Variants in DCUN1D5 observed in about 807,000 individuals in gnomAD.
DCUN1D5 encodes DCN1-like protein 5.
Under a neutral mutation model 38.3 loss-of-function variants are expected in DCUN1D5, and 10 were observed. The ratio of observed to expected loss-of-function variants is 0.26; its 90% CI spans 0.16 to 0.44. The LOEUF (loss-of-function observed/expected upper bound fraction) is 0.44, where lower values mean the gene tolerates loss of function less well. DCUN1D5 is among the 20% of genes least tolerant of loss of function. DCUN1D5 has a pLI of 1.00. For synonymous variants in DCUN1D5, 93 were observed against 90.9 expected (o/e 1.02, Z -0.13); for missense variants, 148 against 275.3 (o/e 0.54, Z 3.27).
intron 4 of DCUN1D5, among the ~76,000 whole-genome samples, chr11:103,069,363 G>C (rs1862215109): frequency 6.6e-6 from 1 of 152,106 alleles, no homozygotes; most frequent in Non-Finnish European, 1.5e-5. Flanking sequence ...AAAACTCTTA[G>C]AAAACAAACA....
intron 2 of DCUN1D5, among the ~76,000 whole-genome samples, chr11:103,088,751 A>C (rs760441707): frequency 4.6e-5 from 7 of 152,226 alleles, no homozygotes; most frequent in Non-Finnish European, 7.4e-5. Flanking sequence ...TTAAAAAGTA[A>C]ATGTGTTGTA....
rs1861909503 is a variant in DCUN1D5, at chr11:103,057,774, C to T, written c.*4585G>A. ...GCTAATATTCTACACAAAACACACA[C>T]AGCTCACAGAGTTTTGGGGAAATCT... On this transcript the variant is annotated 3_prime_UTR_variant, in exon 8 of 8. Transcript: ENST00000260247. The surrounding 1 kb of genome is among the most constrained non-coding windows in gnomAD (Gnocchi z 4.8). Among the ~76,000 whole-genome samples, 1 of 151,880 alleles carries T rather than the reference C, an allele frequency of 6.6e-6. No homozygotes were observed. The highest frequency in any genetic ancestry group is 2.1e-4 in the South Asian group (1 of 4,824).
Position 103,066,282 on chromosome 11 carries a change from TA to T in DCUN1D5, c.541del (p.Tyr181ThrfsTer12). ...AAACATACGTACCTCCAGGTACTGG[TA>T]AAATACTGAAAACAGTGGCCATGTC... Reference protein sequence around the residue: ...GRTWPLFSVFYQYLEQSKYRV... With the variant: ...GRTWPLFSVFXQYLEQSKYRV... On this transcript the variant is annotated frameshift_variant, in exon 6 of 8. Coordinates refer to ENST00000260247, the MANE Select transcript of DCUN1D5 (RefSeq NM_032299.4). LOFTEE classifies it high-confidence loss of function. This position sits in a 1 kb window ranked among gnomAD's most constrained non-coding sequence, Gnocchi z 4.7. 6.3e-7 allele frequency: 1 copy of T among 1,598,330 alleles called. No homozygotes were observed. The highest frequency in any genetic ancestry group is 1.1e-5 in the South Asian group (1 of 87,064).
chr11:103,057,552 A>G lies in DCUN1D5; in HGVS notation c.*4807T>C, dbSNP rs75039344. On this transcript the variant is annotated 3_prime_UTR_variant, in exon 8 of 8. Coordinates refer to ENST00000260247, the MANE Select transcript of DCUN1D5 (RefSeq NM_032299.4). The surrounding 1 kb of genome is among the most constrained non-coding windows in gnomAD (Gnocchi z 4.8). ...AAATCCCATCTTTACTAAAACAAAC[A>G]AAAAAAAAAATACAAAACTTAGCTG... 8.2e-6 allele frequency among the ~76,000 whole-genome samples: 1 copy of G among 122,346 alleles called. No homozygotes were observed. Among genetic ancestry groups the G allele is most frequent in the South Asian group, 3.0e-4 (1 of 3,356 alleles). 80.3% of individuals were successfully genotyped at this position (122,346 alleles called of 152,430 possible).
chr11:103,051,443 A>G lies in DCUN1D5; in HGVS notation c.*10916T>C, dbSNP rs1275755386. The G allele has an allele frequency of 6.8e-6, 1 of 147,014 alleles. No homozygotes were observed. The highest frequency in any genetic ancestry group is 1.5e-5 in the Non-Finnish European group (1 of 67,622). The allele number at this position is 147,014 out of a possible 1,614,324, so 9.1% of individuals were successfully genotyped here. A position where few individuals can be genotyped will look rare whatever the true frequency, so the allele number is the denominator to read the frequency against. ...ACCTGTGACATAACTTTGGAGTCTC[A>G]TGGGAGTTCCAAAGTTTTTCTCCTG... On this transcript the variant is annotated 3_prime_UTR_variant, in exon 8 of 8. Coordinates refer to ENST00000260247, the MANE Select transcript of DCUN1D5 (RefSeq NM_032299.4).
chr11:103,082,873 A>T (rs1243110697), intron 3 of DCUN1D5, 34 bp from the exon 4 acceptor site: 18 of 1,512,578 alleles, frequency 1.2e-5, no homozygotes, highest in Non-Finnish European at 1.5e-5. Flanking sequence ...ATAGGGGAAA[A>T]GTCAGCATAG....
Position 103,085,898 on chromosome 11 carries a change from CTA to C in DCUN1D5, c.179-2574_179-2573del, listed in dbSNP as rs562555873. Among the ~76,000 whole-genome samples, 84 of 152,294 alleles carry C rather than the reference CTA, an allele frequency of 5.5e-4. 1 individual carries two copies. In the South Asian group the frequency reaches 0.017, roughly 30 times the overall value. On this transcript the variant is annotated intron_variant, in intron 2 of 7. Transcript: ENST00000260247. ...GCAATTCCAACCTTATTTTTTGACT[CTA>C]TGAGACTTTAAAACTGCCCTTTCAC...
At position 103,061,966 on chromosome 11, in the gene DCUN1D5, C is replaced by CTGT. The variant is rs1862022449; in HGVS notation, c.*390_*392dup. The CTGT allele has an allele frequency of 1.1e-5, 2 of 175,978 alleles. No homozygotes were observed. The highest frequency in any genetic ancestry group is 4.8e-5 in the African/African-American group (2 of 41,866). The allele number at this position is 175,978 out of a possible 1,614,324, so 10.9% of individuals were successfully genotyped here. On this transcript the variant is annotated 3_prime_UTR_variant, in exon 8 of 8. Transcript: ENST00000260247. Reference sequence around the variant, plus strand: ...CAGACTATGTTGCCAAATATTAAGACTGTTTAAAATCTTGAAAATTCTGTA... The same window carrying CTGT: ...CAGACTATGTTGCCAAATATTAAGACTGTTGTTTAAAATCTTGAAAATTCTGTA...
chr11:103,082,551 T>C (rs1862592620), intron 4 of DCUN1D5, among the ~76,000 whole-genome samples, 197 bp downstream of exon 4: 1 of 152,058 alleles, frequency 6.6e-6, no homozygotes. Context: ...GGTTCTTTCT[T>C]AGAGAATATA....
At chr11:103,074,508 C>G (rs140377118) in intron 4 of DCUN1D5, among the ~76,000 whole-genome samples, 11 of 152,276 alleles carry the variant, frequency 7.2e-5, no homozygotes, top group Admixed American at 4.6e-4. Flanking sequence ...CCGGTTCAAG[C>G]GATTCTCCTG....
At position 103,061,303 on chromosome 11, in the gene DCUN1D5, A is replaced by C. The variant is rs192516117; in HGVS notation, c.*1056T>G. On this transcript the variant is annotated 3_prime_UTR_variant, in exon 8 of 8. Coordinates refer to ENST00000260247, the MANE Select transcript of DCUN1D5 (RefSeq NM_032299.4). Reference sequence around the variant, plus strand: ...GGCTATGAATATGAACAAAGTTTTCATATCACTGGGATACTGGATGGTTTG... The same window carrying C: ...GGCTATGAATATGAACAAAGTTTTCCTATCACTGGGATACTGGATGGTTTG... Among the ~76,000 whole-genome samples, 2 of 152,178 alleles carry C rather than the reference A, an allele frequency of 1.3e-5. No individual in the cohort carries two copies. The highest frequency in any genetic ancestry group is 4.8e-5 in the African/African-American group (2 of 41,458).
rs190965636 is a variant in DCUN1D5 at position 103,055,140 on chromosome 11, G to A, written c.*7219C>T. On this transcript the variant is annotated 3_prime_UTR_variant, in exon 8 of 8. Transcript: ENST00000260247. ...GCAGCTAATTTTATTTTTCTCTTGGGAACAGAGTAAACTGTTGTACACCTG... is the reference window on the plus strand; with the variant it reads ...GCAGCTAATTTTATTTTTCTCTTGGAAACAGAGTAAACTGTTGTACACCTG... 6.6e-6 allele frequency: 1 copy of A among 152,004 alleles called. No individual in the cohort carries two copies. Among genetic ancestry groups the A allele is most frequent in the South Asian group, 2.1e-4 (1 of 4,818 alleles). 9.4% of individuals were successfully genotyped at this position (152,004 alleles called of 1,614,324 possible). A position where few individuals can be genotyped will look rare whatever the true frequency, so the allele number is the denominator to read the frequency against.
In DCUN1D5 at chr11:103,053,571, A is replaced by G. The variant is rs1052361025; in HGVS notation, c.*8788T>C. 6.6e-6 allele frequency: 1 copy of G among 152,080 alleles called. No homozygotes were observed. Among genetic ancestry groups the G allele is most frequent in the Non-Finnish European group, 1.5e-5 (1 of 67,958 alleles). The allele number at this position is 152,080 out of a possible 1,614,324, so 9.4% of individuals were successfully genotyped here. On this transcript the variant is annotated 3_prime_UTR_variant, in exon 8 of 8. Coordinates refer to ENST00000260247, the MANE Select transcript of DCUN1D5 (RefSeq NM_032299.4). The surrounding 1 kb of genome is among the most constrained non-coding windows in gnomAD (Gnocchi z 4.8). ...ATCCCAATTATCTTCATTTAATTATATGAATATATCATACTATCACATGTA... is the reference window on the plus strand; with the variant it reads ...ATCCCAATTATCTTCATTTAATTATGTGAATATATCATACTATCACATGTA...
chr11:103,072,353 GATCTA>G (rs1565288007), intron 4 of DCUN1D5, among the ~76,000 whole-genome samples: 11 of 151,416 alleles, frequency 7.3e-5, no homozygotes, highest in African/African-American at 2.4e-4. Flanking sequence ...TCTAGATCTA[GATCTA>G]GATCTAGAAC....
Position 103,060,366 on chromosome 11 carries a change from C to G in DCUN1D5, c.*1993G>C, listed in dbSNP as rs182613720. Among the ~76,000 whole-genome samples, 393 of 152,252 alleles carry G rather than the reference C, an allele frequency of 2.6e-3. 3 individuals are homozygous for G. The highest frequency in any genetic ancestry group is 4.6e-3 in the Non-Finnish European group (316 of 68,014). On this transcript the variant is annotated 3_prime_UTR_variant, in exon 8 of 8. Transcript: ENST00000260247. ...AAAGTAAATACTGTTGACCCTTGAACAGCATGAGTTTGAACTGTGTGGGTC... is the reference window on the plus strand; with the variant it reads ...AAAGTAAATACTGTTGACCCTTGAAGAGCATGAGTTTGAACTGTGTGGGTC...
rs182800235 is a variant in DCUN1D5, at chr11:103,065,090, T to C, written c.556-713A>G. On this transcript the variant is annotated intron_variant, in intron 6 of 7. Transcript: ENST00000260247. The surrounding 1 kb of genome is among the most constrained non-coding windows in gnomAD (Gnocchi z 4.6). ...GATACCATCCATCAAAAATAATTTATAGGACTTACAGATTGAATCATGCGT... is the reference window on the plus strand; with the variant it reads ...GATACCATCCATCAAAAATAATTTACAGGACTTACAGATTGAATCATGCGT... Among the ~76,000 whole-genome samples the C allele has an allele frequency of 1.7e-3, 256 of 152,142 alleles. 1 individual carries two copies. The highest frequency in any genetic ancestry group is 4.1e-3 in the Admixed American group (62 of 15,278).
At position 103,065,364 on chromosome 11, in the gene DCUN1D5, C is replaced by T. The variant is rs961380950; in HGVS notation, c.555+905G>A. 2.6e-5 allele frequency among the ~76,000 whole-genome samples: 4 copies of T among 152,092 alleles called. No homozygotes were observed. On this transcript the variant is annotated intron_variant, in intron 6 of 7. Coordinates refer to ENST00000260247, the MANE Select transcript of DCUN1D5 (RefSeq NM_032299.4). The surrounding 1 kb of genome is among the most constrained non-coding windows in gnomAD (Gnocchi z 4.6). ...TAGAGACGGGGATTCACCATGTTGG[C>T]CAGGCTGGTCTCGAACTCCTGGCCT...
chr11:103,080,445 T>C (rs974537929), intron 4 of DCUN1D5, among the ~76,000 whole-genome samples: 2 of 152,086 alleles, frequency 1.3e-5, no homozygotes, highest in Non-Finnish European at 2.9e-5. Context: ...ATTCAAGGAG[T>C]AATAAGACTT....
rs1210983683 is a variant in DCUN1D5, at chr11:103,091,812, C to T, written c.61G>A (p.Gly21Ser). 1.9e-6 allele frequency: 3 copies of T among 1,614,100 alleles called. No homozygotes were observed. Among genetic ancestry groups the T allele is most frequent in the Non-Finnish European group, 2.5e-6 (3 of 1,179,970 alleles). ...CTGGAGATTTTACACTTTTTGAGGC[C>T]TCCGTCTTCCGCTACTGCTGCTGCC... ...GVAAAVAEDGGLKKCKISSYC... is the reference protein window; with the variant it reads ...GVAAAVAEDGSLKKCKISSYC... The change falls in exon 1 of 8, where the codon GGC becomes AGC. Residue 21 changes from glycine to serine, a missense_variant. By Grantham distance (56) the Gly-to-Ser change is moderately conservative (BLOSUM62 0). Transcript: ENST00000260247. The surrounding 1 kb of genome is among the most constrained non-coding windows in gnomAD (Gnocchi z 4.3).
Sources: gnomAD v4.1 joint callset for allele counts (sites outside exome capture counted in the v4.1 genomes callset) on GRCh38, gnomAD v4.1.1 for gene constraint, Gnocchi (gnomAD v3.1) non-coding constraint, MANE v1.5 for transcripts, NCBI Gene and HGNC (gene_info 2026-07-23, HGNC 2026-07-21) for gene names.